The following COL25A1 variants were observed in gnomAD, a reference collection of about 807,000 sequenced individuals.
COL25A1 encodes collagen alpha-1(XXV) chain.
Under a neutral mutation model 128.4 loss-of-function variants are expected in COL25A1, and 103 were observed. That is an observed-to-expected ratio of 0.80 (90% CI 0.68 to 0.94). The LOEUF (loss-of-function observed/expected upper bound fraction) is 0.94. Ranked by LOEUF, COL25A1 falls within the 40% of genes least tolerant of loss-of-function variation. The pLI is 0.00. For synonymous variants in COL25A1, 279 were observed against 277.2 expected, an observed-to-expected ratio of 1.01 and a Z score of -0.06; for missense variants, 745 against 840.0, an observed-to-expected ratio of 0.89 and a Z score of 1.40.
At chr4:109,284,433 C>CAAGAA (rs992181665) in intron 3 of COL25A1, among the ~76,000 whole-genome samples, 9 of 152,146 alleles carry the variant, frequency 5.9e-5, no homozygotes, top group South Asian at 2.1e-4. Context: ...CCGTCAAAAA[C>CAAGAA]AAGAAAAGAA....
intron 5 of COL25A1, among the ~76,000 whole-genome samples, chr4:109,018,635 C>T (rs1376977090): frequency 6.6e-6 from 1 of 152,200 alleles, no homozygotes; most frequent in Non-Finnish European, 1.5e-5. Flanking sequence ...GAGTAGGGAT[C>T]TTGCCCATCC....
At chr4:109,232,712 A>G (rs551862205) in intron 3 of COL25A1, among the ~76,000 whole-genome samples, 3 of 152,294 alleles carry the variant, frequency 2.0e-5, no homozygotes, top group African/African-American at 7.2e-5. Flanking sequence ...CTAGACCAGA[A>G]AGAACAATAC....
At chr4:108,858,614 A>G (rs1334903338) in intron 24 of COL25A1, among the ~76,000 whole-genome samples, 6 of 152,170 alleles carry the variant, frequency 3.9e-5, no homozygotes, top group African/African-American at 1.4e-4. Context: ...AGGCATTCAT[A>G]CATCCATAAT....
At chr4:108,892,103 G>A (rs1292400230) in intron 16 of COL25A1, among the ~76,000 whole-genome samples, 1 of 110,418 alleles carries the variant, frequency 9.1e-6, no homozygotes, top group African/African-American at 2.8e-5. Context: ...AAAGGATAAT[G>A]CTGAAATAAA....
chr4:109,273,692 T>C (rs1055835466), intron 3 of COL25A1, among the ~76,000 whole-genome samples: 1 of 152,140 alleles, frequency 6.6e-6, no homozygotes, highest in East Asian at 1.9e-4. Flanking sequence ...AGGCTAATAA[T>C]CACTCTGTGC....
intron 5 of COL25A1, among the ~76,000 whole-genome samples, chr4:109,030,352 G>A (rs996911785): frequency 6.6e-6 from 1 of 152,052 alleles, no homozygotes. Flanking sequence ...CCCACCATTG[G>A]GCACACTTTG....
At chr4:108,844,239 C>G (rs984001453) in intron 30 of COL25A1, among the ~76,000 whole-genome samples, 8 of 152,194 alleles carry the variant, frequency 5.3e-5, no homozygotes, top group Non-Finnish European at 1.2e-4. Flanking sequence ...AAATGATTTG[C>G]CAGTGTTCAC....
intron 24 of COL25A1, among the ~76,000 whole-genome samples, chr4:108,858,656 C>A (rs1736803241): frequency 6.6e-6 from 1 of 152,002 alleles, no homozygotes; most frequent in African/African-American, 2.4e-5. Flanking sequence ...GGGGCATACA[C>A]AGATTATATC....
chr4:109,118,144 A>C (rs576997255), intron 3 of COL25A1, among the ~76,000 whole-genome samples: 14 of 152,002 alleles, frequency 9.2e-5, no homozygotes, highest in African/African-American at 3.4e-4. Flanking sequence ...ATAAAAAACA[A>C]TAATTGATAC....
chr4:108,970,357 A>G (rs147041686), intron 8 of COL25A1, among the ~76,000 whole-genome samples: 2,534 of 152,326 alleles, frequency 0.017, 71 homozygotes, highest in African/African-American at 0.057. Context: ...AAAATTTTCC[A>G]TCTATATGAC....
chr4:108,874,198 G>A (rs1335314312), intron 19 of COL25A1, among the ~76,000 whole-genome samples: 1 of 152,166 alleles, frequency 6.6e-6, no homozygotes, highest in Non-Finnish European at 1.5e-5. Flanking sequence ...CATCTTTGGA[G>A]TCAATCAGAC....
intron 26 of COL25A1, among the ~76,000 whole-genome samples, chr4:108,850,602 C>T (rs184859488): frequency 6.6e-6 from 1 of 152,080 alleles, no homozygotes; most frequent in African/African-American, 2.4e-5. Context: ...TCAGTTTCAA[C>T]TCAAAGCCAC....
intron 3 of COL25A1, among the ~76,000 whole-genome samples, chr4:109,083,502 G>A (rs113978822): frequency 0.13 from 14,943 of 115,736 alleles, 1,002 homozygotes; most frequent in African/African-American, 0.21. Context: ...TCGCTCTGTC[G>A]CCCAGGCTGG....
At chr4:109,058,572 T>A (rs954946803) in intron 3 of COL25A1, among the ~76,000 whole-genome samples, 1 of 152,220 alleles carries the variant, frequency 6.6e-6, no homozygotes, top group African/African-American at 2.4e-5. Flanking sequence ...ATATAGTTTT[T>A]CAAATATTCA....
chr4:109,005,237 C>G (rs1755850115), intron 6 of COL25A1, among the ~76,000 whole-genome samples: 1 of 152,030 alleles, frequency 6.6e-6, no homozygotes, highest in Non-Finnish European at 1.5e-5. Flanking sequence ...CAGGGAGTTG[C>G]TACACACATT....
At chr4:108,863,905 C>G (rs945601803) in intron 20 of COL25A1, among the ~76,000 whole-genome samples, 6 of 152,164 alleles carry the variant, frequency 3.9e-5, no homozygotes, top group African/African-American at 1.4e-4. Context: ...CTGAAAGTTA[C>G]ACCATCTGCC....
chr4:108,826,300 G>C (rs1349367422), intron 33 of COL25A1, among the ~76,000 whole-genome samples: 1 of 152,144 alleles, frequency 6.6e-6, no homozygotes, highest in African/African-American at 2.4e-5. Flanking sequence ...CACTTTGAGA[G>C]GCCGAGAAGG....
At chr4:108,868,792 AAAGG>A (rs1324984672) in intron 20 of COL25A1, among the ~76,000 whole-genome samples, 3 of 145,526 alleles carry the variant, frequency 2.1e-5, no homozygotes, top group Non-Finnish European at 4.6e-5. Context: ...GAAAGGAAGG[AAAGG>A]AAGGAAGGAA....
At chr4:109,112,619 C>T (rs372253118) in intron 3 of COL25A1, among the ~76,000 whole-genome samples, 1 of 151,810 alleles carries the variant, frequency 6.6e-6, no homozygotes, top group African/African-American at 2.4e-5. Flanking sequence ...AACTAATATG[C>T]ACATATTTCC....
Sources: allele counts gnomAD v4.1 joint callset (sites outside exome capture counted in the v4.1 genomes callset), GRCh38; gene constraint gnomAD v4.1.1; transcripts MANE v1.5; gene names NCBI Gene and HGNC (gene_info 2026-07-23, HGNC 2026-07-21).